The following B3GALT1 variants were observed in gnomAD, a reference collection of about 807,000 sequenced individuals.
B3GALT1 encodes the protein beta-1,3-galactosyltransferase 1, also known as UDP-Gal:betaGlcNAc beta 1,3-galactosyltransferase, polypeptide 1.
A neutral mutation model predicts 23.2 loss-of-function variants in B3GALT1; 10 were observed. That is an observed-to-expected ratio of 0.43 (90% CI 0.27 to 0.73). The LOEUF (loss-of-function observed/expected upper bound fraction) is 0.73, where lower values mean the gene tolerates loss of function less well. Ranked by LOEUF, B3GALT1 falls within the 30% of genes least tolerant of loss-of-function variation. The probability of loss-of-function intolerance (pLI) is 0.21; values close to 1 mark genes in which losing one functional copy is unlikely to be tolerated. For synonymous variants in B3GALT1, 156 were observed against 141.5 expected, an observed-to-expected ratio of 1.10 and a Z score of -0.73; for missense variants, 299 against 405.4, an observed-to-expected ratio of 0.74 and a Z score of 2.25.
At chr2:167,441,237 A>G (rs1432523128) in intron 1 of B3GALT1, among the ~76,000 whole-genome samples, 2 of 152,374 alleles carry the variant, frequency 1.3e-5, no homozygotes, top group South Asian at 4.1e-4. Context: ...CTTGGATTCC[A>G]GCACCCACAG....
intron 3 of B3GALT1, among the ~76,000 whole-genome samples, chr2:167,736,814 A>G (rs2105271693): frequency 6.6e-6 from 1 of 152,214 alleles, no homozygotes; most frequent in Non-Finnish European, 1.5e-5. Context: ...CATGCCTGTA[A>G]TTCCAGCTAC....
intron 4 of B3GALT1, among the ~76,000 whole-genome samples, chr2:167,859,799 T>C (rs1040031168): frequency 6.6e-6 from 1 of 152,136 alleles, no homozygotes; most frequent in Non-Finnish European, 1.5e-5. Flanking sequence ...TAGCTCTTTA[T>C]CTATCTAAGG....
chr2:167,307,504 A>G (rs1696568575), intron 1 of B3GALT1, among the ~76,000 whole-genome samples: 1 of 152,004 alleles, frequency 6.6e-6, no homozygotes, highest in Non-Finnish European at 1.5e-5. Context: ...TCAGTAATAA[A>G]GATGTTATTT....
chr2:167,435,594 TACTC>T (rs932011068), intron 1 of B3GALT1, among the ~76,000 whole-genome samples: 1 of 152,056 alleles, frequency 6.6e-6, no homozygotes, highest in Non-Finnish European at 1.5e-5. Context: ...TTTGCAGTCT[TACTC>T]TACCTGGGCA....
chr2:167,443,720 A>G (rs1222084758), intron 1 of B3GALT1, among the ~76,000 whole-genome samples: 2 of 152,160 alleles, frequency 1.3e-5, no homozygotes, highest in East Asian at 1.9e-4. Context: ...TTGATTTTGT[A>G]TCCTGAGACT....
intron 3 of B3GALT1, among the ~76,000 whole-genome samples, chr2:167,817,446 C>T (rs150715964): frequency 5.9e-5 from 9 of 152,224 alleles, no homozygotes; most frequent in Admixed American, 2.0e-4. Flanking sequence ...ATTCAGGTAC[C>T]GTCATCATGA....
At chr2:167,747,429 G>T (rs1422375890) in intron 3 of B3GALT1, among the ~76,000 whole-genome samples, 1 of 152,160 alleles carries the variant, frequency 6.6e-6, no homozygotes, top group African/African-American at 2.4e-5. Flanking sequence ...GAATTAGGCT[G>T]ACAGCAATTT....
chr2:167,598,101 G>A (rs1312368187), intron 2 of B3GALT1, among the ~76,000 whole-genome samples: 3 of 152,088 alleles, frequency 2.0e-5, no homozygotes, highest in Non-Finnish European at 2.9e-5. Flanking sequence ...TGTGTTTGTT[G>A]AACTAAAGAA....
At chr2:167,512,611 TATATATATAC>T (rs1700036432) in intron 2 of B3GALT1, among the ~76,000 whole-genome samples, 1 of 101,104 alleles carries the variant, frequency 9.9e-6, no homozygotes, top group Non-Finnish European at 1.7e-5. Context: ...TATATATGTA[TATATATATAC>T]GTGTATATAT....
intron 2 of B3GALT1, among the ~76,000 whole-genome samples, chr2:167,629,132 A>T (rs1685396016): frequency 6.6e-6 from 1 of 151,596 alleles, no homozygotes; most frequent in Non-Finnish European, 1.5e-5. Flanking sequence ...GACAGGCAAA[A>T]TGGCTTTTCA....
chr2:167,573,101 A>G (rs1484146296), intron 2 of B3GALT1, among the ~76,000 whole-genome samples: 2 of 151,764 alleles, frequency 1.3e-5, no homozygotes, highest in Admixed American at 6.6e-5. Context: ...GTGATCTGTC[A>G]TAAAGATGTG....
intron 1 of B3GALT1, among the ~76,000 whole-genome samples, chr2:167,368,765 A>G (rs769819184): frequency 2.5e-4 from 38 of 152,116 alleles, no homozygotes; most frequent in Middle Eastern, 3.2e-3. Context: ...TATCCTTACC[A>G]TGTTGTCTAA....
chr2:167,832,603 A>G (rs907734333), intron 4 of B3GALT1, among the ~76,000 whole-genome samples: 1 of 152,234 alleles, frequency 6.6e-6, no homozygotes, highest in Non-Finnish European at 1.5e-5. Context: ...AAGCAAAGGC[A>G]TTTGCATAAC....
chr2:167,340,609 T>G (rs1697132573), intron 1 of B3GALT1, among the ~76,000 whole-genome samples: 2 of 152,204 alleles, frequency 1.3e-5, no homozygotes, highest in African/African-American at 4.8e-5. Context: ...AGACTTAGTC[T>G]TCCAAAAATG....
intron 1 of B3GALT1, among the ~76,000 whole-genome samples, chr2:167,418,724 C>T (rs1462567170): frequency 6.8e-6 from 1 of 147,540 alleles, no homozygotes; most frequent in African/African-American, 2.5e-5. Context: ...GTCGCCCAGG[C>T]TGGGGTTTCA....
intron 1 of B3GALT1, among the ~76,000 whole-genome samples, chr2:167,366,277 CA>C (rs2105266314): frequency 6.6e-6 from 1 of 152,120 alleles, no homozygotes; most frequent in African/African-American, 2.4e-5. Context: ...TGTTTGGCTC[CA>C]AAATTTTCTT....
At chr2:167,670,770 A>G (rs1254784839) in intron 3 of B3GALT1, among the ~76,000 whole-genome samples, 1 of 152,214 alleles carries the variant, frequency 6.6e-6, no homozygotes, top group African/African-American at 2.4e-5. Context: ...AAAAAATACA[A>G]TAGAGAGCTT....
At chr2:167,712,051 T>G (rs2105519210) in intron 3 of B3GALT1, among the ~76,000 whole-genome samples, 1 of 152,310 alleles carries the variant, frequency 6.6e-6, no homozygotes, top group Non-Finnish European at 1.5e-5. Flanking sequence ...TTCCCCAATG[T>G]TCAGTTTATT....
chr2:167,642,780 A>C (rs968083653), intron 2 of B3GALT1, among the ~76,000 whole-genome samples: 4 of 152,102 alleles, frequency 2.6e-5, no homozygotes, highest in Non-Finnish European at 5.9e-5. Flanking sequence ...CCTCTTCAGG[A>C]GTGTAAACTT....
Sources: gnomAD v4.1 joint callset for allele counts (sites outside exome capture counted in the v4.1 genomes callset) on GRCh38, gnomAD v4.1.1 for gene constraint, MANE v1.5 for transcripts, NCBI Gene and HGNC (gene_info 2026-07-23, HGNC 2026-07-21) for gene names.